The following NTN1 variants were observed in gnomAD, a reference collection of about 807,000 sequenced individuals.
NTN1 encodes netrin-1.
NTN1 carries 11 observed loss-of-function variants against 54.2 expected under a neutral mutation model. That is an observed-to-expected ratio of 0.20 (90% confidence interval 0.13 to 0.34). NTN1 has a LOEUF of 0.34. Ranked by LOEUF, NTN1 falls within the 10% of genes least tolerant of loss-of-function variation. The pLI, the probability that NTN1 is intolerant of heterozygous loss-of-function variation, is 1.00. For synonymous variants in NTN1, 371 were observed against 382.0 expected, an observed-to-expected ratio of 0.97 and a Z score of 0.33; for missense variants, 740 against 893.1, an observed-to-expected ratio of 0.83 and a Z score of 2.18.
chr17:9,058,360 T>C (rs1012034959), intron 2 of NTN1, among the ~76,000 whole-genome samples: 2 of 152,002 alleles, frequency 1.3e-5, no homozygotes, highest in Non-Finnish European at 2.9e-5. Context: ...TAAACAGAGC[T>C]CAAACATCAT....
chr17:9,185,371 C>G (rs900006492), intron 5 of NTN1, among the ~76,000 whole-genome samples: 3 of 152,168 alleles, frequency 2.0e-5, no homozygotes, highest in African/African-American at 7.2e-5. Context: ...TAGGGGAGGC[C>G]TCTGTGCCAG....
chr17:9,199,770 T>A (rs1904731930), intron 5 of NTN1, among the ~76,000 whole-genome samples: 1 of 152,242 alleles, frequency 6.6e-6, no homozygotes, highest in Non-Finnish European at 1.5e-5. Context: ...AATGGAGTAG[T>A]GTTTGGTAAC....
intron 2 of NTN1, among the ~76,000 whole-genome samples, chr17:9,117,103 GC>G (rs1446423883): frequency 6.6e-6 from 1 of 152,216 alleles, no homozygotes; most frequent in Admixed American, 6.5e-5. Flanking sequence ...GTGAAAGGGT[GC>G]TTTTAGGAAA....
intron 2 of NTN1, among the ~76,000 whole-genome samples, chr17:9,088,133 C>T (rs897302350): frequency 5.3e-5 from 8 of 152,328 alleles, no homozygotes; most frequent in Non-Finnish European, 8.8e-5. Context: ...TGCTGGTGCA[C>T]GAGCCACCCA....
At chr17:9,127,432 C>A (rs1171752351) in intron 2 of NTN1, among the ~76,000 whole-genome samples, 1 of 152,160 alleles carries the variant, frequency 6.6e-6, no homozygotes, top group Non-Finnish European at 1.5e-5. Context: ...TGGTGCCACT[C>A]ATTAGAGGAC....
chr17:9,129,263 G>A (rs1303427474), intron 2 of NTN1, among the ~76,000 whole-genome samples: 1 of 151,972 alleles, frequency 6.6e-6, no homozygotes, highest in Non-Finnish European at 1.5e-5. Flanking sequence ...TGAGTGGCTG[G>A]GGAGGCTGGG....
chr17:9,102,245 G>A (rs1327625432), intron 2 of NTN1, among the ~76,000 whole-genome samples: 3 of 152,212 alleles, frequency 2.0e-5, no homozygotes, highest in Non-Finnish European at 2.9e-5. Flanking sequence ...ATTTATGAAG[G>A]AAAGAGGCTT....
chr17:9,226,799 C>T (rs922967622), intron 6 of NTN1, among the ~76,000 whole-genome samples: 1 of 152,072 alleles, frequency 6.6e-6, no homozygotes, highest in Admixed American at 6.5e-5. Context: ...GGTGTGTGTG[C>T]GTGCTCACCA....
At chr17:9,033,457 G>A (rs1395774527) in intron 2 of NTN1, among the ~76,000 whole-genome samples, 2 of 152,144 alleles carry the variant, frequency 1.3e-5, no homozygotes, top group Admixed American at 1.3e-4. Flanking sequence ...ATCAAGTTGC[G>A]ATTTTCCTGA....
At chr17:9,035,015 C>A (rs908259006) in intron 2 of NTN1, among the ~76,000 whole-genome samples, 1 of 152,180 alleles carries the variant, frequency 6.6e-6, no homozygotes, top group African/African-American at 2.4e-5. Flanking sequence ...GGCGTGATCG[C>A]GGCTCGCTGC....
At chr17:9,021,986 T>A (rs2091850325) in intron 1 of NTN1, among the ~76,000 whole-genome samples, 1 of 151,956 alleles carries the variant, frequency 6.6e-6, no homozygotes. Context: ...CCCCCAGCTC[T>A]CCTGCGCCCG....
At chr17:9,203,703 T>C (rs1269012125) in intron 5 of NTN1, among the ~76,000 whole-genome samples, 3 of 152,004 alleles carry the variant, frequency 2.0e-5, no homozygotes, top group Non-Finnish European at 2.9e-5. Flanking sequence ...CTTGGGAGGA[T>C]GAGGCAGGAG....
Position 9,179,921 on chromosome 17 carries a change from AC to A in NTN1, c.1324del (p.Gln442SerfsTer11). 1 of 1,614,006 alleles carries A rather than the reference AC, an allele frequency of 6.2e-7. No homozygotes were observed. The highest frequency in any genetic ancestry group is 8.5e-7 in the Non-Finnish European group (1 of 1,179,978). On this transcript the variant is annotated frameshift_variant, in exon 4 of 7. Coordinates refer to ENST00000173229, the MANE Select transcript of NTN1 (RefSeq NM_004822.3). LOFTEE classifies it high-confidence loss of function. ...GITCNRCAKG[Y>X]QQSRSPIAPC... Reference sequence around the variant, plus strand: ...ACCTGCAACCGCTGCGCCAAAGGCTACCAGCAGAGCCGCTCTCCCATCGCCC... The same window carrying A: ...ACCTGCAACCGCTGCGCCAAAGGCTACAGCAGAGCCGCTCTCCCATCGCCC...
intron 5 of NTN1, among the ~76,000 whole-genome samples, chr17:9,197,388 G>A (rs957094048): frequency 6.6e-6 from 1 of 152,156 alleles, no homozygotes; most frequent in African/African-American, 2.4e-5. Context: ...GCCAGGCGTG[G>A]TGGCTCACAC....
At chr17:9,020,899 G>A (rs933753751), upstream of NTN1, among the ~76,000 whole-genome samples, 4 of 152,198 alleles carry the variant, frequency 2.6e-5, no homozygotes, top group African/African-American at 9.6e-5. Flanking sequence ...ATATCCGTGG[G>A]AGTGCGGGCG....
At chr17:9,145,505 T>A (rs2092310762) in intron 2 of NTN1, among the ~76,000 whole-genome samples, 1 of 152,172 alleles carries the variant, frequency 6.6e-6, no homozygotes, top group Non-Finnish European at 1.5e-5. Context: ...GGGCCAGGCT[T>A]CTGAGCAGAG....
intron 2 of NTN1, among the ~76,000 whole-genome samples, chr17:9,060,032 A>G (rs2091991540): frequency 1.3e-5 from 2 of 152,120 alleles, no homozygotes; most frequent in Non-Finnish European, 2.9e-5. Flanking sequence ...GGGAGTGTAC[A>G]TATCTATGCA....
intron 6 of NTN1, among the ~76,000 whole-genome samples, chr17:9,236,124 T>TGG (rs61364982): frequency 0.03 from 2,674 of 90,476 alleles, 105 homozygotes; most frequent in African/African-American, 0.082. Context: ...CATAAGAATT[T>TGG]GGGGGGGGGG....
At chr17:9,017,864 A>G (rs1404630991), upstream of NTN1, among the ~76,000 whole-genome samples, 1 of 152,164 alleles carries the variant, frequency 6.6e-6, no homozygotes, top group Non-Finnish European at 1.5e-5. Flanking sequence ...AAGGACACTG[A>G]TGAATTAGAA....
Sources: allele counts gnomAD v4.1 joint callset (sites outside exome capture counted in the v4.1 genomes callset), GRCh38; gene constraint gnomAD v4.1.1; transcripts MANE v1.5; gene names NCBI Gene and HGNC (gene_info 2026-07-23, HGNC 2026-07-21).